NAALADL2: variants seen among roughly 807,000 people sequenced by gnomAD.
NAALADL2 encodes N-acetylated alpha-linked acidic dipeptidase like 2.
In NAALADL2, 76 loss-of-function variants were observed where a neutral mutation model predicts 87.2. The observed-to-expected ratio is 0.87, with a 90% CI of 0.72 to 1.05. NAALADL2 has a LOEUF of 1.05. NAALADL2 is among the 50% of genes least tolerant of loss of function. The pLI is 0.00. For missense variants in NAALADL2, 1,089 were observed against 945.8 expected (o/e 1.15, Z -1.99); for synonymous variants, 354 against 331.0 (o/e 1.07, Z -0.75).
intron 10 of NAALADL2, among the ~76,000 whole-genome samples, chr3:175,616,724 G>A (rs569647736): frequency 3.5e-4 from 54 of 152,244 alleles, no homozygotes; most frequent in African/African-American, 1.2e-3. Context: ...GACCCTCTGC[G>A]ATTCCATGTT....
chr3:174,521,571 C>CAAAAAA (rs58465181), intron 1 of NAALADL2, among the ~76,000 whole-genome samples: 35 of 56,174 alleles, frequency 6.2e-4, no homozygotes, highest in South Asian at 9.2e-4. Flanking sequence ...GACCCTGTCT[C>CAAAAAA]AAAAAAAAAA....
intron 11 of NAALADL2, among the ~76,000 whole-genome samples, chr3:175,710,712 AG>A (rs1277509002): frequency 7.3e-6 from 1 of 136,962 alleles, no homozygotes; most frequent in African/African-American, 2.6e-5. Flanking sequence ...ATATCTACAT[AG>A]AAAGACATAT....
At chr3:174,717,800 G>A (rs185912571) in intron 2 of NAALADL2, among the ~76,000 whole-genome samples, 28 of 151,998 alleles carry the variant, frequency 1.8e-4, no homozygotes, top group Non-Finnish European at 3.7e-4. Context: ...TGATATATGT[G>A]CAATTCACTT....
intron 3 of NAALADL2, among the ~76,000 whole-genome samples, chr3:174,839,653 A>G (rs960682096): frequency 6.6e-6 from 1 of 152,122 alleles, no homozygotes; most frequent in African/African-American, 2.4e-5. Flanking sequence ...AGCAAGAAAA[A>G]AAACAAATAA....
chr3:174,931,262 A>G (rs977175969), intron 1 of NAALADL2, among the ~76,000 whole-genome samples: 6 of 152,142 alleles, frequency 3.9e-5, no homozygotes, highest in African/African-American at 1.4e-4. Flanking sequence ...TGTAAAGTAC[A>G]ATAAAGAATA....
At chr3:175,058,797 T>A (rs923991821) in intron 1 of NAALADL2, among the ~76,000 whole-genome samples, 14 of 152,158 alleles carry the variant, frequency 9.2e-5, no homozygotes, top group Non-Finnish European at 7.3e-5. Flanking sequence ...GCAGCTAGAG[T>A]GTCACCTTTC....
intron 1 of NAALADL2, among the ~76,000 whole-genome samples, chr3:175,002,494 C>A (rs762844813): frequency 6.6e-6 from 1 of 152,142 alleles, no homozygotes; most frequent in Non-Finnish European, 1.5e-5. Flanking sequence ...GCAAATCCAT[C>A]ACCGTTGCAG....
At chr3:175,745,338 A>G (rs917918445) in intron 12 of NAALADL2, among the ~76,000 whole-genome samples, 1 of 152,210 alleles carries the variant, frequency 6.6e-6, no homozygotes, top group African/African-American at 2.4e-5. Context: ...TGGATAAGAT[A>G]GCTGATATAC....
At chr3:174,810,172 A>G (rs573406423) in intron 3 of NAALADL2, among the ~76,000 whole-genome samples, 4 of 152,306 alleles carry the variant, frequency 2.6e-5, no homozygotes, top group Admixed American at 2.6e-4. Flanking sequence ...ACACAGAAAA[A>G]TTAGTACTTA....
At chr3:175,558,194 C>CAAAAAAAAAAAAAAAAAA (rs71164638) in intron 9 of NAALADL2, among the ~76,000 whole-genome samples, 1 of 82,436 alleles carries the variant, frequency 1.2e-5, no homozygotes, top group Admixed American at 1.5e-4. Flanking sequence ...GACCCCGTCT[C>CAAAAAAAAAAAAAAAAAA]AAAAAAAAAA....
chr3:174,690,341 C>A (rs941417273), intron 2 of NAALADL2, among the ~76,000 whole-genome samples: 8 of 151,998 alleles, frequency 5.3e-5, no homozygotes, highest in Non-Finnish European at 1.2e-4. Context: ...ATTTTTCTGT[C>A]AAGAATTTTA....
intron 3 of NAALADL2, among the ~76,000 whole-genome samples, chr3:174,809,840 C>G (rs375621612): frequency 1.8e-4 from 27 of 152,216 alleles, no homozygotes; most frequent in African/African-American, 6.3e-4. Context: ...GGGAGGTGAT[C>G]AGATTATGGG....
intron 11 of NAALADL2, among the ~76,000 whole-genome samples, chr3:175,689,323 T>C (rs945220307): frequency 1.4e-4 from 22 of 152,198 alleles, no homozygotes; most frequent in Admixed American, 1.2e-3. Context: ...GAGAAACATA[T>C]AAAATGTGTC....
At chr3:174,821,816 G>C (rs563508803) in intron 3 of NAALADL2, among the ~76,000 whole-genome samples, 16 of 152,242 alleles carry the variant, frequency 1.1e-4, no homozygotes, top group African/African-American at 3.9e-4. Context: ...TAACTATCCA[G>C]ATTGAGAATT....
chr3:174,849,023 T>C (rs1194156314), intron 3 of NAALADL2, among the ~76,000 whole-genome samples: 1 of 152,078 alleles, frequency 6.6e-6, no homozygotes, highest in Non-Finnish European at 1.5e-5. Flanking sequence ...ATGGAAAAGG[T>C]ACAGAAAAAT....
intron 13 of NAALADL2, chr3:175,776,196 A>G (rs1255665844): frequency 6.6e-6 from 1 of 152,072 alleles, no homozygotes; most frequent in Non-Finnish European, 1.5e-5. Flanking sequence ...TCCAAGGCCT[A>G]TGTTAAAACA....
intron 5 of NAALADL2, among the ~76,000 whole-genome samples, chr3:175,331,350 G>T (rs572632078): frequency 2.8e-4 from 42 of 152,102 alleles, no homozygotes; most frequent in Middle Eastern, 3.4e-3. Context: ...GCAACAACAA[G>T]AATAAACTAC....
At chr3:175,175,616 C>T (rs1172633327) in intron 2 of NAALADL2, among the ~76,000 whole-genome samples, 9 of 152,080 alleles carry the variant, frequency 5.9e-5, no homozygotes, top group Admixed American at 5.9e-4. Context: ...GATGTACACA[C>T]TGACCTTCTT....
chr3:175,349,207 T>TA (rs577690261), intron 5 of NAALADL2, among the ~76,000 whole-genome samples: 3,981 of 136,036 alleles, frequency 0.029, 173 homozygotes, highest in East Asian at 0.1. Flanking sequence ...CAACTGCTAT[T>TA]AAAAAAAAAA....
Sources: gnomAD v4.1 joint callset for allele counts (sites outside exome capture counted in the v4.1 genomes callset) on GRCh38, gnomAD v4.1.1 for gene constraint, MANE v1.5 for transcripts, NCBI Gene and HGNC (gene_info 2026-07-23, HGNC 2026-07-21) for gene names.